FRMD8: variants seen among roughly 807,000 people sequenced by gnomAD.
FRMD8 encodes the protein FERM domain containing 8.
A neutral mutation model predicts 54.2 loss-of-function variants in FRMD8; 37 were observed. The observed-to-expected ratio is 0.68, with a 90% CI of 0.53 to 0.90. The LOEUF is 0.90. Among genes scored for constraint, FRMD8 ranks in the 40% least tolerant of loss-of-function variants. FRMD8 has a pLI of 0.00. For synonymous variants in FRMD8, 246 were observed against 286.9 expected (o/e 0.86, Z 1.44); for missense variants, 585 against 653.7 (o/e 0.89, Z 1.15).
rs146504901 is a variant in FRMD8 at position 65,389,461 on chromosome 11, C to T, written c.186C>T (p.Arg62=). Reference sequence around the variant, plus strand: ...CCCATGAGCTGCACCGCGCTGTCCGCGAGGTCCTGCAGCTTCCAGACATCG... The same window carrying T: ...CCCATGAGCTGCACCGCGCTGTCCGTGAGGTCCTGCAGCTTCCAGACATCG... ...LSAHELHRAV[R]EVLQLPDIAL... The change falls in exon 3 of 11, where the codon CGC becomes CGT. Residue 62 remains arginine, a synonymous_variant. Coordinates refer to ENST00000317568, the MANE Select transcript of FRMD8 (RefSeq NM_031904.5). The T allele has an allele frequency of 4.8e-5, 78 of 1,609,348 alleles. No homozygotes were observed. The highest frequency in any genetic ancestry group is 4.7e-4 in the East Asian group (21 of 44,884).
At position 65,396,808 on chromosome 11, in the gene FRMD8, G is replaced by T. The variant is rs200865240; in HGVS notation, c.591G>T (p.Leu197=). The change falls in exon 7 of 11, where the codon CTG becomes CTT. Residue 197 remains leucine (L), a synonymous_variant. Coordinates refer to ENST00000317568, the MANE Select transcript of FRMD8 (RefSeq NM_031904.5). ...RPAACDLREK[L]DSFLPAHLCK... ...CTTCCTTCCTCCACAGGGAGAAGCT[G>T]GACTCCTTCCTCCCTGCCCACCTCT... is the stretch of plus-strand genomic sequence containing the variant. 4.6e-6 allele frequency: 7 copies of T among 1,538,324 alleles called. No individual in the cohort carries two copies. Among genetic ancestry groups the T allele is most frequent in the Non-Finnish European group, 6.1e-6 (7 of 1,142,412 alleles).
At chr11:65,373,649 C>T in the FRMD8 span, among the ~76,000 whole-genome samples, 1 of 152,122 alleles carries the variant, frequency 6.6e-6, no homozygotes, top group African/African-American at 2.4e-5. Flanking sequence ...TACAGTGGCG[C>T]AATCAAAACT....
At position 65,400,978 on chromosome 11, in the gene FRMD8, G is replaced by A; in HGVS notation, c.1071+111G>A. 7.9e-7 allele frequency: 1 copy of A among 1,262,372 alleles called. No homozygotes were observed. The allele number at this position is 1,262,372 out of a possible 1,614,324, so 78.2% of individuals were successfully genotyped here. On this transcript the variant is annotated intron_variant, in intron 9 of 10. Coordinates refer to ENST00000317568, the MANE Select transcript of FRMD8 (RefSeq NM_031904.5). The surrounding 1 kb of genome is among the most constrained non-coding windows in gnomAD (Gnocchi z 4.3). The stretch of plus-strand genomic sequence containing the variant: ...GGCAAGGAGGTGAGAAGCTGCCTTG[G>A]GCCTGAGGATGAAAGCGGCCTGGGC...
intron 10 of FRMD8, among the ~76,000 whole-genome samples, chr11:65,405,489 G>GTAT (rs1856175782): frequency 6.6e-6 from 1 of 152,172 alleles, no homozygotes; most frequent in African/African-American, 2.4e-5. Context: ...CGAGGTGTAT[G>GTAT]GCAGGCGCCT....
At chr11:65,394,466 G>T in intron 6 of FRMD8, 41 bp downstream of exon 6, 1 of 1,536,778 alleles carries the variant, frequency 6.5e-7, no homozygotes, top group Non-Finnish European at 8.7e-7. Flanking sequence ...GCTGGGTGGG[G>T]GAGTTTGTCC....
At chr11:65,410,667 G>A (rs144745173) in intron 10 of FRMD8, among the ~76,000 whole-genome samples, 5,113 of 152,274 alleles carry the variant, frequency 0.034, 336 homozygotes, top group African/African-American at 0.12. Flanking sequence ...GCGGGCGCCT[G>A]TAGTCCCAGC....
At chr11:65,375,445 C>G in the FRMD8 span, 4 of 152,476 alleles carry the variant, frequency 2.6e-5, no homozygotes, top group African/African-American at 9.7e-5. Context: ...TGGGCTCAGC[C>G]TGGGTCTCGG....
chr11:65,369,709 G>A, the FRMD8 span, among the ~76,000 whole-genome samples: 1 of 148,272 alleles, frequency 6.7e-6, no homozygotes, highest in African/African-American at 2.5e-5. Context: ...CCTGGGCGAC[G>A]AGCAAAACTC....
chr11:65,397,573 A>T (rs1001562503), intron 7 of FRMD8, among the ~76,000 whole-genome samples: 2 of 152,190 alleles, frequency 1.3e-5, no homozygotes, highest in Non-Finnish European at 2.9e-5. Flanking sequence ...GAGTGACAGG[A>T]TTTGCCAGAT....
the FRMD8 span, chr11:65,380,837 G>T: frequency 1.2e-5 from 4 of 323,076 alleles, no homozygotes; most frequent in South Asian, 9.3e-5. Context: ...AGCACAACAG[G>T]CCTCAGGGCC....
the FRMD8 span, chr11:65,380,443 C>T: frequency 9.1e-7 from 1 of 1,103,820 alleles, no homozygotes; most frequent in Admixed American, 2.3e-5. Context: ...AAGAGCCAGC[C>T]AAAGACGTAC....
At chr11:65,378,952 A>T in the FRMD8 span, 2 of 183,538 alleles carry the variant, frequency 1.1e-5, no homozygotes, top group Non-Finnish European at 2.3e-5. Flanking sequence ...AGAGCCAGGC[A>T]GGGCCAGGGG....
At chr11:65,386,873 C>G in intron 1 of FRMD8, 112 bp downstream of exon 1, 1 of 655,902 alleles carries the variant, frequency 1.5e-6, no homozygotes, top group East Asian at 2.6e-5. Flanking sequence ...AACCCGCACC[C>G]CTCCCACCAG....
intron 3 of FRMD8, among the ~76,000 whole-genome samples, chr11:65,390,332 T>C (rs1412418316): frequency 1.3e-5 from 2 of 152,110 alleles, no homozygotes; most frequent in East Asian, 1.9e-4. Context: ...CCATGTTGTT[T>C]AGTAAATCGG....
chr11:65,382,366 G>A (rs370121694), upstream of FRMD8: 1 of 216,942 alleles, frequency 4.6e-6, no homozygotes, highest in East Asian at 1.0e-4. The surrounding 1 kb of genome is among the most constrained non-coding windows in gnomAD (Gnocchi z 4.4). Context: ...GGGCATGGCC[G>A]CCCCCATGCC....
the FRMD8 span, chr11:65,377,130 C>T: frequency 1.3e-6 from 2 of 1,568,374 alleles, no homozygotes; most frequent in Non-Finnish European, 1.7e-6. Flanking sequence ...TGGGAACTGG[C>T]CCCTTATATT....
At chr11:65,379,876 G>A in the FRMD8 span, 1 of 1,614,092 alleles carries the variant, frequency 6.2e-7, no homozygotes, top group East Asian at 2.2e-5. Context: ...CGGACTCATG[G>A]CGGTAAATCT....
intron 7 of FRMD8, among the ~76,000 whole-genome samples, chr11:65,397,476 G>A (rs1056109972): frequency 7.9e-5 from 12 of 152,224 alleles, no homozygotes; most frequent in Admixed American, 7.2e-4. Context: ...GGCACAGGCG[G>A]CAGCCAGGAG....
At chr11:65,379,866 C>A in the FRMD8 span, 3 of 1,614,174 alleles carry the variant, frequency 1.9e-6, no homozygotes, top group Admixed American at 5.0e-5. Flanking sequence ...GGGCCACTCA[C>A]GGACTCATGG....
Sources: allele counts gnomAD v4.1 joint callset (sites outside exome capture counted in the v4.1 genomes callset), GRCh38; gene constraint gnomAD v4.1.1; non-coding constraint Gnocchi (gnomAD v3.1); transcripts MANE v1.5; gene names NCBI Gene and HGNC (gene_info 2026-07-23, HGNC 2026-07-21).